Variants in PCDHGA10 observed in about 807,000 individuals in gnomAD.
PCDHGA10 encodes protocadherin gamma subfamily A, 10, also known as protocadherin gamma-A10.
PCDHGA10 carries 42 observed loss-of-function variants against 59.5 expected under a neutral mutation model. The ratio of observed to expected loss-of-function variants is 0.71; its 90% confidence interval spans 0.55 to 0.91. The LOEUF (loss-of-function observed/expected upper bound fraction) is 0.91. Ranked by LOEUF, PCDHGA10 falls within the 40% of genes least tolerant of loss-of-function variation. The pLI is 0.00. For synonymous variants in PCDHGA10, 511 were observed against 517.2 expected, an observed-to-expected ratio of 0.99 and a Z score of 0.16; for missense variants, 1,111 against 1,198.2, an observed-to-expected ratio of 0.93 and a Z score of 1.07.
chr5:141,420,507 A>G (rs548077936), intron 1 of PCDHGA10: 1 of 428,282 alleles, frequency 2.3e-6, no homozygotes, highest in African/African-American at 2.0e-5. Context: ...TGACATTTTT[A>G]TGAAGTAAAA....
At chr5:141,500,562 T>A (rs2099801387) in intron 2 of PCDHGA10, among the ~76,000 whole-genome samples, 1 of 152,202 alleles carries the variant, frequency 6.6e-6, no homozygotes, top group Admixed American at 6.5e-5. Flanking sequence ...CACAAACTTG[T>A]CACACTTTCA....
chr5:141,428,331 G>A, intron 1 of PCDHGA10: 2 of 625,576 alleles, frequency 3.2e-6, no homozygotes, highest in East Asian at 2.9e-5. Context: ...TGATTTCTAT[G>A]CTCTTCTTCC....
Position 141,431,464 on chromosome 5 carries a change from G to GA in PCDHGA10, c.2436+15855dup, listed in dbSNP as rs1561852795. 1 of 1,613,782 alleles carries GA rather than the reference G, an allele frequency of 6.2e-7. No homozygotes were observed. Among genetic ancestry groups the GA allele is most frequent in the Non-Finnish European group, 8.5e-7 (1 of 1,179,972 alleles). ...GCATCCGCGTGATGGTTCTGGATGC[G>GA]AACGACAACGCACCAGCGTTTGCTC... On this transcript the variant is annotated intron_variant, in intron 1 of 3. Coordinates refer to ENST00000398610, the MANE Select transcript of PCDHGA10 (RefSeq NM_018913.3). This position sits in a 1 kb window ranked among gnomAD's most constrained non-coding sequence, Gnocchi z 4.8.
intron 3 of PCDHGA10, among the ~76,000 whole-genome samples, chr5:141,509,776 C>T (rs898626809): frequency 7.2e-5 from 11 of 152,140 alleles, no homozygotes; most frequent in African/African-American, 9.7e-5. Context: ...GTCTAGTCCC[C>T]GAGATCATCA....
intron 2 of PCDHGA10, among the ~76,000 whole-genome samples, chr5:141,501,334 C>T (rs1462003251): frequency 6.9e-6 from 1 of 145,376 alleles, no homozygotes; most frequent in Non-Finnish European, 1.5e-5. Context: ...CACACACACA[C>T]CCCAAACTCA....
chr5:141,509,900 C>T (rs2099878860), intron 3 of PCDHGA10, among the ~76,000 whole-genome samples: 1 of 152,186 alleles, frequency 6.6e-6, no homozygotes, highest in Admixed American at 6.5e-5. Context: ...CTGTCCCTTC[C>T]AGCATGCGCT....
At chr5:141,506,092 G>A (rs1595997534) in intron 3 of PCDHGA10, among the ~76,000 whole-genome samples, 1 of 152,142 alleles carries the variant, frequency 6.6e-6, no homozygotes, top group Admixed American at 6.6e-5. Flanking sequence ...TTCGGCTAGT[G>A]GTGGTTGTCC....
In PCDHGA10 at chr5:141,490,134, C is replaced by G; in HGVS notation, c.2437-4673C>G. On this transcript the variant is annotated intron_variant, in intron 1 of 3. Transcript: ENST00000398610. This position sits in a 1 kb window ranked among gnomAD's most constrained non-coding sequence, Gnocchi z 5.4. ...GGAACCTCTTTGGCCTAGACCCTAG[C>G]AGTGGGGCAATCCATGTGTTGGGTC... The G allele has an allele frequency of 1.2e-6, 2 of 1,614,232 alleles. No homozygotes were observed. The highest frequency in any genetic ancestry group is 1.7e-6 in the Non-Finnish European group (2 of 1,180,030).
At chr5:141,438,595 T>C (rs11949887) in intron 1 of PCDHGA10, among the ~76,000 whole-genome samples, 1,254 of 57,838 alleles carry the variant, frequency 0.022, 9 homozygotes, top group Non-Finnish European at 0.023. Flanking sequence ...TACATACATA[T>C]ATATATATAT....
intron 1 of PCDHGA10, chr5:141,416,087 G>A (rs1201318552): frequency 1.2e-5 from 2 of 165,800 alleles, no homozygotes; most frequent in East Asian, 3.3e-4. Flanking sequence ...TTCCCAAGGA[G>A]AAGGGCAATA....
intron 1 of PCDHGA10, chr5:141,478,687 A>G: frequency 6.4e-7 from 1 of 1,551,218 alleles, no homozygotes; most frequent in Middle Eastern, 1.7e-4. Context: ...CCCTTCCTAG[A>G]TCAAAGTTAG....
chr5:141,438,629 T>C (rs1162332421), intron 1 of PCDHGA10, among the ~76,000 whole-genome samples: 9 of 48,096 alleles, frequency 1.9e-4, no homozygotes, highest in Admixed American at 6.4e-4. Context: ...TATATATATA[T>C]ATATATACAC....
intron 1 of PCDHGA10, among the ~76,000 whole-genome samples, chr5:141,463,191 C>T (rs2099054821): frequency 6.6e-6 from 1 of 152,100 alleles, no homozygotes; most frequent in Non-Finnish European, 1.5e-5. Flanking sequence ...TATTATTTAG[C>T]CAAAGACTTG....
At chr5:141,419,717 G>A (rs1159633605) in intron 1 of PCDHGA10, 3 of 1,613,236 alleles carry the variant, frequency 1.9e-6, no homozygotes, top group Non-Finnish European at 2.5e-6. Flanking sequence ...CTTCAGCCTG[G>A]GGCTGCGAAC....
At chr5:141,453,430 C>A (rs1043851647) in intron 1 of PCDHGA10, among the ~76,000 whole-genome samples, 1 of 152,018 alleles carries the variant, frequency 6.6e-6, no homozygotes, top group Non-Finnish European at 1.5e-5. Flanking sequence ...CCACACCTAG[C>A]CTAGTATTCT....
chr5:141,485,935 C>A lies in PCDHGA10; in HGVS notation c.2437-8872C>A. The stretch of plus-strand genomic sequence containing the variant: ...GCTACAGGATTAGTGTGTTGGAGAG[C>A]GCACCAGCGGGCATGGTGCTCATCC... On this transcript the variant is annotated intron_variant, in intron 1 of 3. Coordinates refer to ENST00000398610, the MANE Select transcript of PCDHGA10 (RefSeq NM_018913.3). This position sits in a 1 kb window ranked among gnomAD's most constrained non-coding sequence, Gnocchi z 5.7. The A allele has an allele frequency of 3.1e-6, 5 of 1,614,144 alleles. No homozygotes were observed. Among genetic ancestry groups the A allele is most frequent in the Non-Finnish European group, 3.4e-6 (4 of 1,180,030 alleles).
Position 141,495,452 on chromosome 5 carries a change from CTCTG to C in PCDHGA10, c.2495+593_2495+596del, listed in dbSNP as rs550877100. ...GTCCTCTGCCCCTACTTGTCCTGCTCTCTGTCTGTGGGGTCTCCGTGTCTCTGCC... is the reference window on the plus strand; with the variant it reads ...GTCCTCTGCCCCTACTTGTCCTGCTCTCTGTGGGGTCTCCGTGTCTCTGCC... On this transcript the variant is annotated intron_variant, in intron 2 of 3. Coordinates refer to ENST00000398610, the MANE Select transcript of PCDHGA10 (RefSeq NM_018913.3). 5.6e-4 allele frequency among the ~76,000 whole-genome samples: 85 copies of C among 152,356 alleles called. 1 individual carries two copies. Among genetic ancestry groups the C allele is most frequent in the Admixed American group, 3.5e-3 (53 of 15,310 alleles).
At chr5:141,446,288 G>C (rs1437669688) in intron 1 of PCDHGA10, among the ~76,000 whole-genome samples, 1 of 152,100 alleles carries the variant, frequency 6.6e-6, no homozygotes, top group Non-Finnish European at 1.5e-5. Flanking sequence ...GGATAAATGG[G>C]GAGCAGGGAT....
Position 141,487,623 on chromosome 5 carries a change from CT to C in PCDHGA10, c.2437-7181del. 1 of 1,614,206 alleles carries C rather than the reference CT, an allele frequency of 6.2e-7. No homozygotes were observed. Among genetic ancestry groups the C allele is most frequent in the Non-Finnish European group, 8.5e-7 (1 of 1,180,044 alleles). On this transcript the variant is annotated intron_variant, in intron 1 of 3. Transcript: ENST00000398610. This position sits in a 1 kb window ranked among gnomAD's most constrained non-coding sequence, Gnocchi z 5.0. ...CTTCTCTATGGGCTAGAGGTGAGAC[CT>C]TTGCAGGCTCAACAAATGCTTGAGG...
Sources: allele counts gnomAD v4.1 joint callset (sites outside exome capture counted in the v4.1 genomes callset), GRCh38; gene constraint gnomAD v4.1.1; non-coding constraint Gnocchi (gnomAD v3.1); transcripts MANE v1.5; gene names NCBI Gene and HGNC (gene_info 2026-07-23, HGNC 2026-07-21).